Variants in ITGAE observed in about 807,000 individuals in gnomAD.
ITGAE encodes integrin alpha-E.
ITGAE carries 99 observed loss-of-function variants against 136.5 expected under a neutral mutation model. The observed-to-expected ratio is 0.73, with a 90% CI of 0.62 to 0.86. The LOEUF (loss-of-function observed/expected upper bound fraction) is 0.86. Among genes scored for constraint, ITGAE ranks in the 40% least tolerant of loss-of-function variants. The probability of loss-of-function intolerance (pLI) is 0.00; values close to 1 mark genes in which losing one functional copy is unlikely to be tolerated. For missense variants in ITGAE, 1,447 were observed against 1,515.3 expected (o/e 0.95, Z 0.75); for synonymous variants, 613 against 591.8 (o/e 1.04, Z -0.52).
At chr17:3,785,435 C>T (rs2052760047) in intron 1 of ITGAE, among the ~76,000 whole-genome samples, 1 of 148,868 alleles carries the variant, frequency 6.7e-6, no homozygotes, top group South Asian at 2.1e-4. Context: ...TGCCATTGCA[C>T]TCCAGCCTAG....
intron 1 of ITGAE, among the ~76,000 whole-genome samples, chr17:3,795,608 T>C (rs2053046711): frequency 6.6e-6 from 1 of 152,136 alleles, no homozygotes; most frequent in African/African-American, 2.4e-5. Flanking sequence ...CACCGAGGGG[T>C]TGGTAAACAG....
chr17:3,796,988 G>C lies in ITGAE; in HGVS notation c.34+4123C>G, dbSNP rs117642102. On this transcript the variant is annotated intron_variant, in intron 1 of 30. Coordinates refer to ENST00000263087, the MANE Select transcript of ITGAE (RefSeq NM_002208.5). ...GCCTCAGAGCCATCTGCAGCCAGCCGCAGTCCCCCCACCTCGATCTTCTAC... is the reference window on the plus strand; with the variant it reads ...GCCTCAGAGCCATCTGCAGCCAGCCCCAGTCCCCCCACCTCGATCTTCTAC... Among the ~76,000 whole-genome samples the C allele has an allele frequency of 3.5e-3, 523 of 147,576 alleles. 1 individual carries two copies. The highest frequency in any genetic ancestry group is 0.011 in the Middle Eastern group (3 of 270).
chr17:3,716,607 G>T, intron 30 of ITGAE, 81 bp downstream of exon 30: 2 of 820,980 alleles, frequency 2.4e-6, no homozygotes, highest in South Asian at 3.0e-5. Flanking sequence ...CTCTAAGTCA[G>T]AGGTTGGCTG....
intron 10 of ITGAE, among the ~76,000 whole-genome samples, chr17:3,756,558 C>T (rs892441242): frequency 2.0e-5 from 3 of 152,014 alleles, no homozygotes; most frequent in Non-Finnish European, 4.4e-5. Context: ...TGCACCACCA[C>T]GCCTGGCTAC....
At chr17:3,768,291 A>C (rs1335378943) in intron 2 of ITGAE, among the ~76,000 whole-genome samples, 1 of 151,886 alleles carries the variant, frequency 6.6e-6, no homozygotes, top group Non-Finnish European at 1.5e-5. Flanking sequence ...CACCTGGCAA[A>C]TTTTCTTATG....
intron 20 of ITGAE, among the ~76,000 whole-genome samples, chr17:3,735,356 G>A (rs1217739896): frequency 2.0e-5 from 3 of 152,120 alleles, no homozygotes; most frequent in South Asian, 2.1e-4. Flanking sequence ...TATTAGGGAC[G>A]GGGTTTCTCC....
rs184368827 is a variant in ITGAE at position 3,800,171 on chromosome 17, G to A, written c.34+940C>T. ...AAAATATTAAAATCTGTCCAAAAAC[G>A]TGTTCCTTGCTGGTACCCTACACAT... On this transcript the variant is annotated intron_variant, in intron 1 of 30. Transcript: ENST00000263087. Among the ~76,000 whole-genome samples, 24 of 152,260 alleles carry A rather than the reference G, an allele frequency of 1.6e-4. No individual in the cohort carries two copies. The East Asian group carries it at 2.1e-3, about 13-fold the overall frequency.
At chr17:3,722,939 C>A (rs1400239008) in intron 28 of ITGAE, among the ~76,000 whole-genome samples, 1 of 152,176 alleles carries the variant, frequency 6.6e-6, no homozygotes, top group Non-Finnish European at 1.5e-5. Flanking sequence ...ATTGCAACAG[C>A]CCTGGCAAGA....
chr17:3,769,368 G>T (rs978223237), intron 2 of ITGAE, among the ~76,000 whole-genome samples: 9 of 147,946 alleles, frequency 6.1e-5, no homozygotes, highest in African/African-American at 1.0e-4. Flanking sequence ...TGGACTGCGC[G>T]TTCCCAGGAG....
intron 20 of ITGAE, among the ~76,000 whole-genome samples, chr17:3,736,994 A>G (rs1040432281): frequency 1.3e-5 from 2 of 151,638 alleles, no homozygotes; most frequent in Non-Finnish European, 2.9e-5. Flanking sequence ...TGCCTGAAAT[A>G]AGGAAACAGT....
rs1460541358 is a variant in ITGAE, at chr17:3,799,211, G to A, written c.34+1900C>T. Among the ~76,000 whole-genome samples the A allele has an allele frequency of 6.6e-6, 1 of 152,110 alleles. No homozygotes were observed. Among genetic ancestry groups the A allele is most frequent in the African/African-American group, 2.4e-5 (1 of 41,426 alleles). Reference sequence around the variant, plus strand: ...CTCACCTCCTCCAGGAAACTCTCCTGGACTGGCCCATCCTAGTCTCAGGAC... The same window carrying A: ...CTCACCTCCTCCAGGAAACTCTCCTAGACTGGCCCATCCTAGTCTCAGGAC... On this transcript the variant is annotated intron_variant, in intron 1 of 30. Transcript: ENST00000263087. The surrounding 1 kb of genome is among the most constrained non-coding windows in gnomAD (Gnocchi z 4.1).
intron 1 of ITGAE, among the ~76,000 whole-genome samples, chr17:3,783,511 C>T (rs968075217): frequency 2.6e-4 from 40 of 152,314 alleles, no homozygotes; most frequent in African/African-American, 8.4e-4. Flanking sequence ...ACATTTTATA[C>T]GGAAACTGTA....
intron 1 of ITGAE, among the ~76,000 whole-genome samples, chr17:3,794,177 C>A (rs1391544499): frequency 6.6e-6 from 1 of 151,904 alleles, no homozygotes; most frequent in African/African-American, 2.4e-5. Context: ...CGGGGTTTTG[C>A]CATGTTGGTC....
At chr17:3,734,223 A>G (rs1394308586) in intron 21 of ITGAE, among the ~76,000 whole-genome samples, 1 of 123,338 alleles carries the variant, frequency 8.1e-6, no homozygotes, top group African/African-American at 3.6e-5. Context: ...GGCACCCGCC[A>G]TCGCGCCCAG....
chr17:3,781,414 A>G (rs923216401), intron 1 of ITGAE, among the ~76,000 whole-genome samples: 2 of 150,730 alleles, frequency 1.3e-5, no homozygotes, highest in South Asian at 4.2e-4. Context: ...CAGTGGCGCT[A>G]TCTCGGCTCA....
intron 2 of ITGAE, among the ~76,000 whole-genome samples, chr17:3,772,148 T>C (rs1457980554): frequency 6.6e-6 from 1 of 152,208 alleles, no homozygotes. Context: ...TTCCCGTTCC[T>C]TCTCATGCTA....
At chr17:3,796,950 G>A (rs566629823) in intron 1 of ITGAE, among the ~76,000 whole-genome samples, 103 of 152,002 alleles carry the variant, frequency 6.8e-4, no homozygotes, top group African/African-American at 2.3e-3. Context: ...GCGGGGCCTC[G>A]TGGGAGGACT....
At chr17:3,790,254 C>T (rs1439573681) in intron 1 of ITGAE, among the ~76,000 whole-genome samples, 1 of 152,188 alleles carries the variant, frequency 6.6e-6, no homozygotes, top group Non-Finnish European at 1.5e-5. Flanking sequence ...GGCCTGTAAT[C>T]CCAGCATTTT....
chr17:3,759,292 T>G, intron 8 of ITGAE, 110 bp downstream of exon 8: 1 of 1,270,396 alleles, frequency 7.9e-7, no homozygotes, highest in Non-Finnish European at 1.1e-6. Flanking sequence ...AGGGAAAGGC[T>G]GGAGCCCTAA....
Sources: allele counts gnomAD v4.1 joint callset (sites outside exome capture counted in the v4.1 genomes callset), GRCh38; gene constraint gnomAD v4.1.1; non-coding constraint Gnocchi (gnomAD v3.1); transcripts MANE v1.5; gene names NCBI Gene and HGNC (gene_info 2026-07-23, HGNC 2026-07-21).